The following CYP19A1 variants were observed in gnomAD, a reference collection of about 807,000 sequenced individuals.
The protein encoded by CYP19A1 is aromatase.
Under a neutral mutation model 44.4 loss-of-function variants are expected in CYP19A1, and 32 were observed. The observed-to-expected ratio is 0.72, with a 90% CI of 0.54 to 0.97. The LOEUF (loss-of-function observed/expected upper bound fraction) is 0.97. CYP19A1 is among the 50% of genes least tolerant of loss of function. The pLI is 0.00. For missense variants in CYP19A1, 598 were observed against 637.8 expected, an observed-to-expected ratio of 0.94 and a Z score of 0.67; for synonymous variants, 212 against 215.6, an observed-to-expected ratio of 0.98 and a Z score of 0.14.
chr15:51,279,588 C>CA (rs1383370126), intron 1 of CYP19A1, among the ~76,000 whole-genome samples: 3 of 152,216 alleles, frequency 2.0e-5, no homozygotes, highest in Non-Finnish European at 4.4e-5. Context: ...TGACTTCCCC[C>CA]AAACCAAGCT....
intron 1 of CYP19A1, among the ~76,000 whole-genome samples, chr15:51,252,085 A>G (rs903699459): frequency 6.6e-6 from 1 of 152,060 alleles, no homozygotes; most frequent in Non-Finnish European, 1.5e-5. Flanking sequence ...TAGGCCAGCC[A>G]GTGGTGCCTG....
At chr15:51,245,937 T>C (rs1595716079) in intron 1 of CYP19A1, among the ~76,000 whole-genome samples, 2 of 152,342 alleles carry the variant, frequency 1.3e-5, no homozygotes, top group East Asian at 3.9e-4. Context: ...CCCATGCTCT[T>C]TATCATGCCA....
chr15:51,331,280 G>A (rs2036696845), intron 1 of CYP19A1, among the ~76,000 whole-genome samples: 1 of 152,192 alleles, frequency 6.6e-6, no homozygotes, highest in Non-Finnish European at 1.5e-5. Context: ...CCTTCCTGCA[G>A]AGAGGCTGCC....
chr15:51,277,773 G>A (rs1050281243), intron 1 of CYP19A1, among the ~76,000 whole-genome samples: 1 of 151,780 alleles, frequency 6.6e-6, no homozygotes, highest in Non-Finnish European at 1.5e-5. Context: ...CCATTCTCAT[G>A]CCAATGAAAT....
At chr15:51,284,114 C>T (rs1351944518) in intron 1 of CYP19A1, among the ~76,000 whole-genome samples, 2 of 152,104 alleles carry the variant, frequency 1.3e-5, no homozygotes, top group East Asian at 3.8e-4. Flanking sequence ...TCTGCCTCCC[C>T]AGGAGAAAGA....
intron 6 of CYP19A1, 23 bp from the exon 7 acceptor site, chr15:51,215,840 G>T (rs771993145): frequency 6.2e-7 from 1 of 1,612,464 alleles, no homozygotes; most frequent in Non-Finnish European, 8.5e-7. Flanking sequence ...TCAAAATATT[G>T]TCTATTTTTA....
chr15:51,261,384 G>A (rs1048141377), intron 1 of CYP19A1, among the ~76,000 whole-genome samples: 1 of 152,160 alleles, frequency 6.6e-6, no homozygotes, highest in Middle Eastern at 3.2e-3. Flanking sequence ...GAAGGAGCAG[G>A]CCAATGTCAT....
At chr15:51,258,931 T>G (rs1190917225) in intron 1 of CYP19A1, among the ~76,000 whole-genome samples, 1 of 152,128 alleles carries the variant, frequency 6.6e-6, no homozygotes, top group Non-Finnish European at 1.5e-5. Flanking sequence ...AATGACACAT[T>G]CGACAAAAGC....
intron 1 of CYP19A1, among the ~76,000 whole-genome samples, chr15:51,269,879 C>T (rs2899474): frequency 0.44 from 66,377 of 151,946 alleles, 14,653 homozygotes; most frequent in African/African-American, 0.46. Flanking sequence ...CCTACTCCCG[C>T]TCCCTCCCTT....
chr15:51,333,094 C>T (rs934748359), intron 1 of CYP19A1, among the ~76,000 whole-genome samples: 2 of 152,126 alleles, frequency 1.3e-5, no homozygotes, highest in Admixed American at 1.3e-4. Flanking sequence ...TCTTTTTGTG[C>T]TCTACTGGAA....
intron 2 of CYP19A1, 50 bp from the exon 3 acceptor site, chr15:51,237,059 G>A: frequency 6.2e-7 from 1 of 1,608,770 alleles, no homozygotes; most frequent in African/African-American, 1.3e-5. Context: ...ACCAAAAATT[G>A]CAACTGTTTT....
intron 2 of CYP19A1, 119 bp downstream of exon 2, chr15:51,242,649 A>G: frequency 1.4e-6 from 1 of 706,592 alleles, no homozygotes; most frequent in Non-Finnish European, 2.6e-6. Context: ...ACACAGACAT[A>G]GTCTTCAGAG....
chr15:51,241,847 G>A (rs2033788400), intron 2 of CYP19A1, among the ~76,000 whole-genome samples: 1 of 152,130 alleles, frequency 6.6e-6, no homozygotes. Flanking sequence ...CAGACACAGA[G>A]CATTTTGTGC....
chr15:51,315,375 C>A (rs1033845748), intron 1 of CYP19A1, among the ~76,000 whole-genome samples: 4 of 152,138 alleles, frequency 2.6e-5, no homozygotes, highest in African/African-American at 9.7e-5. Context: ...GATATCTCAC[C>A]CACTCAGCCT....
intron 1 of CYP19A1, among the ~76,000 whole-genome samples, chr15:51,307,152 T>C (rs2036230832): frequency 6.6e-6 from 1 of 152,130 alleles, no homozygotes; most frequent in Non-Finnish European, 1.5e-5. Flanking sequence ...AAACGTGCCA[T>C]GAAGATCCAT....
chr15:51,236,737 T>C, intron 3 of CYP19A1, 122 bp downstream of exon 3: 1 of 1,257,622 alleles, frequency 8.0e-7, no homozygotes. Flanking sequence ...GCTCACTTCA[T>C]TTCAGTGGTA....
chr15:51,236,815 A>T (rs755250688), intron 3 of CYP19A1, 44 bp downstream of exon 3: 1 of 1,612,088 alleles, frequency 6.2e-7, no homozygotes. Flanking sequence ...AAAAAACTCC[A>T]GCCTCGATTT....
At chr15:51,304,963 G>A (rs1420024093) in intron 1 of CYP19A1, among the ~76,000 whole-genome samples, 2 of 138,590 alleles carry the variant, frequency 1.4e-5, no homozygotes, top group African/African-American at 2.8e-5. Flanking sequence ...GCAGTGGCAC[G>A]ATCTTGGCTT....
chr15:51,294,643 C>T (rs1423116035), intron 1 of CYP19A1, among the ~76,000 whole-genome samples: 2 of 135,626 alleles, frequency 1.5e-5, no homozygotes, highest in African/African-American at 5.9e-5. Flanking sequence ...GGGGGTCAGC[C>T]CCCCGCCCGG....
Sources: allele counts gnomAD v4.1 joint callset (sites outside exome capture counted in the v4.1 genomes callset), GRCh38; gene constraint gnomAD v4.1.1; transcripts MANE v1.5; gene names NCBI Gene and HGNC (gene_info 2026-07-23, HGNC 2026-07-21).